Variants in GABPB2 observed in about 807,000 individuals in gnomAD.
GABPB2 encodes GA binding protein transcription factor subunit beta 2, also known as GA-binding protein subunit beta-2.
A neutral mutation model predicts 39.1 loss-of-function variants in GABPB2; 23 were observed. That is an observed-to-expected ratio of 0.59 (90% CI 0.42 to 0.83). GABPB2 has a LOEUF of 0.83. Ranked by LOEUF, GABPB2 falls within the 40% of genes least tolerant of loss-of-function variation. The probability of loss-of-function intolerance (pLI) is 0.00; values close to 1 mark genes in which losing one functional copy is unlikely to be tolerated. For synonymous variants in GABPB2, 184 were observed against 199.3 expected, an observed-to-expected ratio of 0.92 and a Z score of 0.65; for missense variants, 467 against 541.1, an observed-to-expected ratio of 0.86 and a Z score of 1.36.
intron 1 of GABPB2, among the ~76,000 whole-genome samples, chr1:151,079,475 A>T (rs1036164644): frequency 2.0e-5 from 3 of 152,162 alleles, no homozygotes; most frequent in Non-Finnish European, 4.4e-5. Context: ...CAGGAGGCAG[A>T]GGTTGCAGTG....
chr1:151,114,582 C>CAG (rs1410059224), intron 7 of GABPB2, among the ~76,000 whole-genome samples: 1 of 152,062 alleles, frequency 6.6e-6, no homozygotes, highest in Non-Finnish European at 1.5e-5. Flanking sequence ...CCTATAGTCC[C>CAG]AGATACTCGG....
intron 6 of GABPB2, 96 bp from the exon 7 acceptor site, chr1:151,106,941 T>C (rs1484296614): frequency 2.8e-6 from 2 of 715,242 alleles, no homozygotes; most frequent in African/African-American, 3.7e-5. Context: ...CAAATGTTCC[T>C]CTCCCTGAAT....
chr1:151,074,037 C>T (rs587681242), intron 1 of GABPB2, among the ~76,000 whole-genome samples: 52 of 140,108 alleles, frequency 3.7e-4, no homozygotes, highest in Non-Finnish European at 6.8e-4. Flanking sequence ...ACTGCAGTGG[C>T]GCTATCTCGG....
At chr1:151,079,794 G>C (rs1677499188) in intron 1 of GABPB2, among the ~76,000 whole-genome samples, 1 of 152,012 alleles carries the variant, frequency 6.6e-6, no homozygotes, top group Admixed American at 6.6e-5. Context: ...TACTCGGGAG[G>C]CTGAGGCAGG....
intron 7 of GABPB2, among the ~76,000 whole-genome samples, chr1:151,109,634 C>T (rs1411132796): frequency 6.6e-6 from 1 of 151,798 alleles, no homozygotes; most frequent in Non-Finnish European, 1.5e-5. Context: ...GCTGGAATTA[C>T]AAGCGTGAGC....
At chr1:151,074,105 A>G (rs1161783220) in intron 1 of GABPB2, among the ~76,000 whole-genome samples, 1 of 141,654 alleles carries the variant, frequency 7.1e-6, no homozygotes, top group African/African-American at 2.6e-5. Flanking sequence ...CCTCCTGAGT[A>G]GCTGGAATTA....
chr1:151,108,614 G>C (rs587752341), intron 7 of GABPB2, among the ~76,000 whole-genome samples: 1 of 151,972 alleles, frequency 6.6e-6, no homozygotes, highest in Admixed American at 6.6e-5. Context: ...CTATCCTCCC[G>C]CCTCAGCCAC....
At chr1:151,093,644 C>T in intron 4 of GABPB2, among the ~76,000 whole-genome samples, 1 of 149,502 alleles carries the variant, frequency 6.7e-6, no homozygotes, top group African/African-American at 2.5e-5. Flanking sequence ...TCTATAAAGC[C>T]CTGAATTAAT....
At chr1:151,074,050 C>T (rs1256239120) in intron 1 of GABPB2, among the ~76,000 whole-genome samples, 1 of 145,258 alleles carries the variant, frequency 6.9e-6, no homozygotes, top group Non-Finnish European at 1.5e-5. Context: ...TATCTCGGCT[C>T]GCTGCAAGCT....
chr1:151,116,185 A>G (rs1268576991), intron 7 of GABPB2, among the ~76,000 whole-genome samples: 2 of 152,140 alleles, frequency 1.3e-5, no homozygotes, highest in Admixed American at 1.3e-4. Flanking sequence ...TGAGGTCGGG[A>G]GTTTGAGACC....
intron 4 of GABPB2, among the ~76,000 whole-genome samples, chr1:151,095,917 C>T (rs1345213184): frequency 6.6e-6 from 1 of 151,598 alleles, no homozygotes; most frequent in Non-Finnish European, 1.5e-5. Context: ...CCTGTAATCC[C>T]AGCTACTTGG....
At chr1:151,095,515 G>A (rs1679033819) in intron 4 of GABPB2, among the ~76,000 whole-genome samples, 1 of 152,132 alleles carries the variant, frequency 6.6e-6, no homozygotes, top group African/African-American at 2.4e-5. Flanking sequence ...ATAACTATAC[G>A]GTGACTTTCA....
chr1:151,085,543 C>G (rs1678112505), intron 1 of GABPB2, among the ~76,000 whole-genome samples: 1 of 152,170 alleles, frequency 6.6e-6, no homozygotes, highest in African/African-American at 2.4e-5. Context: ...AGGGTTCACA[C>G]CATTCTCCTG....
chr1:151,077,732 C>CCCCTG (rs1468289549), intron 1 of GABPB2, among the ~76,000 whole-genome samples: 1 of 151,206 alleles, frequency 6.6e-6, no homozygotes, highest in Non-Finnish European at 1.5e-5. Context: ...GCAGGTGGAT[C>CCCCTG]ACAAGGTCAG....
intron 1 of GABPB2, among the ~76,000 whole-genome samples, chr1:151,080,553 T>G (rs1558126740): frequency 1.4e-5 from 2 of 142,794 alleles, no homozygotes; most frequent in Non-Finnish European, 3.0e-5. Flanking sequence ...ATAAATAAAA[T>G]AAAAAGGGTT....
intron 1 of GABPB2, among the ~76,000 whole-genome samples, chr1:151,072,285 G>T (rs1014743691): frequency 2.0e-5 from 3 of 152,170 alleles, no homozygotes; most frequent in African/African-American, 7.2e-5. Context: ...AGTGGCTCAC[G>T]CCTGTAATCC....
chr1:151,112,047 AC>A (rs1258438108), intron 7 of GABPB2: 1 of 146,834 alleles, frequency 6.8e-6, no homozygotes, highest in Non-Finnish European at 1.5e-5. Flanking sequence ...ACATGGTGAA[AC>A]CCTGACTCTA....
intron 5 of GABPB2, among the ~76,000 whole-genome samples, chr1:151,100,190 G>C (rs1333361844): frequency 6.6e-6 from 1 of 150,654 alleles, no homozygotes; most frequent in Non-Finnish European, 1.5e-5. Flanking sequence ...TGTCGCCCAG[G>C]CTGGAGTGCA....
chr1:151,105,226 A>G (rs1278387385), intron 6 of GABPB2, among the ~76,000 whole-genome samples: 1 of 151,720 alleles, frequency 6.6e-6, no homozygotes, highest in African/African-American at 2.4e-5. Flanking sequence ...TTAGATAGAG[A>G]CATTCCATAG....
Sources: gnomAD v4.1 joint callset for allele counts (sites outside exome capture counted in the v4.1 genomes callset) on GRCh38, gnomAD v4.1.1 for gene constraint, MANE v1.5 for transcripts, NCBI Gene and HGNC (gene_info 2026-07-23, HGNC 2026-07-21) for gene names.